MYT1L: variants seen among roughly 807,000 people sequenced by gnomAD.
MYT1L encodes myelin transcription factor 1 like.
MYT1L carries 12 observed loss-of-function variants against 126.7 expected under a neutral mutation model. The ratio of observed to expected loss-of-function variants is 0.09; its 90% confidence interval spans 0.06 to 0.15. The LOEUF is 0.15. Among genes scored for constraint, MYT1L ranks in the 10% least tolerant of loss-of-function variants. The pLI, the probability that MYT1L is intolerant of heterozygous loss-of-function variation, is 1.00. For synonymous variants in MYT1L, 541 were observed against 604.2 expected, an observed-to-expected ratio of 0.90 and a Z score of 1.53; for missense variants, 979 against 1,585.2, an observed-to-expected ratio of 0.62 and a Z score of 6.49.
chr2:2,055,952 C>A (rs1327688169), intron 3 of MYT1L, among the ~76,000 whole-genome samples: 1 of 152,174 alleles, frequency 6.6e-6, no homozygotes, highest in Non-Finnish European at 1.5e-5. Context: ...AGGAGGAAGA[C>A]CTGGAGACCA....
At chr2:2,013,872 G>A (rs116730819) in intron 4 of MYT1L, among the ~76,000 whole-genome samples, 3 of 152,318 alleles carry the variant, frequency 2.0e-5, no homozygotes, top group Admixed American at 6.5e-5. Flanking sequence ...GTCCGCACCC[G>A]GGCAGTTTGG....
chr2:2,150,582 A>T (rs2085596729), intron 3 of MYT1L, among the ~76,000 whole-genome samples: 1 of 151,968 alleles, frequency 6.6e-6, no homozygotes, highest in South Asian at 2.1e-4. Flanking sequence ...CTAAATTACA[A>T]TTTTTTTTAG....
chr2:2,308,049 A>G (rs192515384), intron 1 of MYT1L, among the ~76,000 whole-genome samples: 1 of 150,772 alleles, frequency 6.6e-6, no homozygotes, highest in East Asian at 2.0e-4. Context: ...AGTATACTCT[A>G]TACTCCACCT....
intron 2 of MYT1L, among the ~76,000 whole-genome samples, chr2:2,223,344 C>T (rs949102079): frequency 2.2e-4 from 34 of 152,168 alleles, no homozygotes; most frequent in Non-Finnish European, 1.0e-4. Context: ...CTTTGCTAGG[C>T]TCATCATAGA....
At chr2:2,269,798 G>A (rs550510518) in intron 2 of MYT1L, among the ~76,000 whole-genome samples, 1 of 152,280 alleles carries the variant, frequency 6.6e-6, no homozygotes, top group South Asian at 2.1e-4. Flanking sequence ...CAATCAAGAA[G>A]GCAGAATCAC....
In MYT1L at chr2:1,892,041, G is replaced by A. The variant is rs1243353407; in HGVS notation, c.2279C>T (p.Thr760Met). ...CACCTGCCCAGGCGCGCGTACCCGC[G>A]TGGCGCACAGGTCCTGCGGCTTGGT... ...LSTKPQDLCA[T>M]RNPDMEVDEN... Residue 760 changes from threonine (T) to methionine (M), a missense_variant, in exon 15 of 25, where the codon ACG (threonine) becomes ATG (methionine). By Grantham distance (81) the Thr-to-Met change is moderately conservative. Transcript: ENST00000647738. 1.4e-5 allele frequency: 21 copies of A among 1,528,126 alleles called. No homozygotes were observed. The highest frequency in any genetic ancestry group is 1.8e-5 in the Non-Finnish European group (21 of 1,138,876). 94.7% of individuals were successfully genotyped at this position (1,528,126 alleles called of 1,614,324 possible). A position where few individuals can be genotyped will look rare whatever the true frequency, so the allele number is the denominator to read the frequency against.
chr2:1,915,043 G>A (rs1179215680), intron 11 of MYT1L, among the ~76,000 whole-genome samples: 2 of 151,932 alleles, frequency 1.3e-5, no homozygotes, highest in South Asian at 2.1e-4. Context: ...GCAGAGCCCC[G>A]GCCTCATGCC....
intron 9 of MYT1L, among the ~76,000 whole-genome samples, chr2:1,941,688 T>C (rs570922962): frequency 6.7e-6 from 1 of 150,286 alleles, no homozygotes; most frequent in African/African-American, 2.4e-5. Flanking sequence ...CATATGCATC[T>C]ATGTGTATAT....
chr2:1,805,943 C>G (rs1331007125), intron 22 of MYT1L, among the ~76,000 whole-genome samples: 1 of 152,128 alleles, frequency 6.6e-6, no homozygotes, highest in Non-Finnish European at 1.5e-5. Flanking sequence ...GAACACAGAG[C>G]TTCAGATGCA....
intron 3 of MYT1L, among the ~76,000 whole-genome samples, chr2:2,151,478 C>T (rs151136631): frequency 0.012 from 1,792 of 151,916 alleles, 26 homozygotes; most frequent in Non-Finnish European, 0.018. Context: ...CAAAGCCAAA[C>T]AGAAGATTCA....
chr2:2,267,851 G>A (rs2095171348), intron 2 of MYT1L, among the ~76,000 whole-genome samples: 1 of 151,770 alleles, frequency 6.6e-6, no homozygotes, highest in African/African-American at 2.4e-5. Context: ...CATCCTTAAG[G>A]CAAGTATGTC....
At chr2:2,032,745 C>A (rs1288692531) in intron 4 of MYT1L, among the ~76,000 whole-genome samples, 1 of 114,154 alleles carries the variant, frequency 8.8e-6, no homozygotes, top group Non-Finnish European at 1.9e-5. Context: ...ACACACCCGT[C>A]GCCAGTGCCT....
At chr2:1,985,025 C>T (rs1297091016) in intron 5 of MYT1L, among the ~76,000 whole-genome samples, 2 of 152,108 alleles carry the variant, frequency 1.3e-5, no homozygotes, top group Non-Finnish European at 1.5e-5. Flanking sequence ...CGACAGAGTC[C>T]TCTTGCAGGA....
chr2:2,131,084 TG>T (rs2082301404), intron 3 of MYT1L, among the ~76,000 whole-genome samples: 1 of 152,170 alleles, frequency 6.6e-6, no homozygotes. Context: ...AGAGACGGGA[TG>T]GTCTTCAACA....
intron 21 of MYT1L, among the ~76,000 whole-genome samples, chr2:1,812,316 A>G (rs534501298): frequency 2.6e-5 from 4 of 152,238 alleles, no homozygotes; most frequent in Non-Finnish European, 5.9e-5. Context: ...TGTGTTTGTG[A>G]AGTTTAATGA....
At chr2:2,227,781 CTTTTTAGA>C (rs576940794) in intron 2 of MYT1L, among the ~76,000 whole-genome samples, 9 of 152,158 alleles carry the variant, frequency 5.9e-5, no homozygotes, top group Non-Finnish European at 1.0e-4. Context: ...GCATCATGTA[CTTTTTAGA>C]AAGGCCTTTT....
intron 2 of MYT1L, among the ~76,000 whole-genome samples, chr2:2,256,913 A>C (rs562709398): frequency 1.2e-4 from 19 of 152,220 alleles, no homozygotes; most frequent in Admixed American, 6.5e-4. Flanking sequence ...TGCCATTCAT[A>C]TAGCCACACA....
At chr2:1,942,224 A>G (rs2056732084) in intron 9 of MYT1L, among the ~76,000 whole-genome samples, 1 of 152,216 alleles carries the variant, frequency 6.6e-6, no homozygotes, top group South Asian at 2.1e-4. Context: ...TCCTCAGAAG[A>G]AATGACTTCT....
intron 2 of MYT1L, among the ~76,000 whole-genome samples, chr2:2,207,750 AACTC>A (rs2093369114): frequency 6.6e-6 from 1 of 152,192 alleles, no homozygotes; most frequent in Non-Finnish European, 1.5e-5. Flanking sequence ...CAAATGCAGA[AACTC>A]ACACATTTAC....
Sources: gnomAD v4.1 joint callset for allele counts (sites outside exome capture counted in the v4.1 genomes callset) on GRCh38, gnomAD v4.1.1 for gene constraint, MANE v1.5 for transcripts, NCBI Gene and HGNC (gene_info 2026-07-23, HGNC 2026-07-21) for gene names.